Variants in PCDHGA4 observed in about 807,000 individuals in gnomAD.
The protein encoded by PCDHGA4 is protocadherin gamma subfamily A, 4, also known as protocadherin gamma-A4.
PCDHGA4 carries 38 observed loss-of-function variants against 54.6 expected under a neutral mutation model. The observed-to-expected ratio is 0.70, with a 90% CI of 0.54 to 0.91. PCDHGA4 has a LOEUF of 0.91. Ranked by LOEUF, PCDHGA4 falls within the 40% of genes least tolerant of loss-of-function variation. PCDHGA4 has a pLI of 0.00. For missense variants in PCDHGA4, 1,298 were observed against 1,220.9 expected (o/e 1.06, Z -0.94); for synonymous variants, 511 against 512.9 (o/e 1.00, Z 0.05).
intron 1 of PCDHGA4, chr5:141,403,365 T>A: frequency 6.2e-7 from 1 of 1,614,024 alleles, no homozygotes; most frequent in Non-Finnish European, 8.5e-7. Context: ...GCCGAAAGTC[T>A]GGAAGTAAAA....
intron 1 of PCDHGA4, among the ~76,000 whole-genome samples, chr5:141,472,561 T>C (rs1000220187): frequency 2.6e-5 from 4 of 151,632 alleles, no homozygotes; most frequent in African/African-American, 9.7e-5. Flanking sequence ...AATTATATTA[T>C]AAATGCTGCA....
At position 141,477,131 on chromosome 5, in the gene PCDHGA4, TTGG is replaced by T; in HGVS notation, c.2515-17672_2515-17670del. 1 of 1,614,130 alleles carries T rather than the reference TTGG, an allele frequency of 6.2e-7. No individual in the cohort carries two copies. The highest frequency in any genetic ancestry group is 8.5e-7 in the Non-Finnish European group (1 of 1,180,014). On this transcript the variant is annotated intron_variant, in intron 1 of 3. Transcript: ENST00000571252. The surrounding 1 kb of genome is among the most constrained non-coding windows in gnomAD (Gnocchi z 4.9). The stretch of plus-strand genomic sequence containing the variant: ...TCCCGAAGGAGCACATTGCAAAGTG[TTGG>T]TGGAGGTTGTGGATGTGAATGACAA...
intron 1 of PCDHGA4, chr5:141,430,946 G>C: frequency 6.2e-7 from 1 of 1,609,494 alleles, no homozygotes. Context: ...CGCGGAGCGC[G>C]GAGTCCGCAT....
intron 1 of PCDHGA4, among the ~76,000 whole-genome samples, chr5:141,488,713 C>A (rs1165389103): frequency 6.6e-6 from 1 of 152,184 alleles, no homozygotes; most frequent in Non-Finnish European, 1.5e-5. Context: ...CTGGTTCAAG[C>A]AAAGTGGTGG....
chr5:141,480,429 T>C (rs72790066), intron 1 of PCDHGA4, among the ~76,000 whole-genome samples: 4 of 151,864 alleles, frequency 2.6e-5, no homozygotes, highest in African/African-American at 9.7e-5. Flanking sequence ...AAAAAAATTA[T>C]CAGCTATTAC....
At position 141,356,031 on chromosome 5, in the gene PCDHGA4, G is replaced by T. The variant is rs759003895; in HGVS notation, c.924G>T (p.Val308=). The part of the protein sequence containing the change: ...TDPDEGANGD[V]TYSFRKVRDK... ...CAGATGAAGGAGCCAATGGAGACGT[G>T]ACGTATTCTTTCCGGAAAGTAAGAG... The change falls in exon 1 of 4, where the codon GTG becomes GTT. Residue 308 remains valine, a synonymous_variant. Coordinates refer to ENST00000571252, the MANE Select transcript of PCDHGA4 (RefSeq NM_018917.4). The T allele has an allele frequency of 6.2e-7, 1 of 1,613,836 alleles. No homozygotes were observed. Among genetic ancestry groups the T allele is most frequent in the Admixed American group, 1.7e-5 (1 of 60,012 alleles).
At chr5:141,500,184 TTTTATTTATTTA>T (rs58019021) in intron 2 of PCDHGA4, among the ~76,000 whole-genome samples, 197 of 135,960 alleles carry the variant, frequency 1.4e-3, no homozygotes, top group African/African-American at 3.6e-3. Context: ...TCATTTTTAT[TTTTATTTATTTA>T]TTTATTTATT....
chr5:141,484,959 C>A, intron 1 of PCDHGA4: 2 of 575,576 alleles, frequency 3.5e-6, no homozygotes, highest in Non-Finnish European at 6.2e-6. Flanking sequence ...ATTGGCTGAG[C>A]CCGGGAGCCG....
chr5:141,440,563 T>C (rs1048420758), intron 1 of PCDHGA4: 3 of 152,250 alleles, frequency 2.0e-5, no homozygotes, highest in Admixed American at 6.5e-5. Flanking sequence ...TTAAGTTACG[T>C]ATCTCTGAGT....
chr5:141,405,118 G>T (rs368800698), intron 1 of PCDHGA4: 1 of 1,613,946 alleles, frequency 6.2e-7, no homozygotes, highest in Non-Finnish European at 8.5e-7. Context: ...GGCACTCCTC[G>T]CATCTGCTGC....
rs149649459 is a variant in PCDHGA4, at chr5:141,505,183, G to A, written c.2574-210G>A. ...TCTAAAACAAAAAGAAAAAAGCATC[G>A]GAGGCAGCAAAGAGCTGGTTTGAGG... On this transcript the variant is annotated intron_variant, in intron 2 of 3. Transcript: ENST00000571252. Among the ~76,000 whole-genome samples, 214 of 152,244 alleles carry A rather than the reference G, an allele frequency of 1.4e-3. 1 individual carries two copies. Among genetic ancestry groups the A allele is most frequent in the African/African-American group, 4.8e-3 (200 of 41,530 alleles).
At chr5:141,388,513 TGA>T in intron 1 of PCDHGA4, 2 of 1,613,840 alleles carry the variant, frequency 1.2e-6, no homozygotes, top group African/African-American at 2.7e-5. Flanking sequence ...TCCTACCACT[TGA>T]CTTTGACTGC....
intron 1 of PCDHGA4, chr5:141,413,078 C>T: frequency 7.7e-7 from 1 of 1,301,152 alleles, no homozygotes; most frequent in Non-Finnish European, 1.1e-6. Flanking sequence ...AGTGCCCAGG[C>T]TACAGAGACA....
At chr5:141,374,087 G>C (rs1358918796) in intron 1 of PCDHGA4, 3 of 1,529,296 alleles carry the variant, frequency 2.0e-6, no homozygotes, top group Non-Finnish European at 2.6e-6. Context: ...GCCAGTAATG[G>C]CGCCTCCGCA....
At chr5:141,398,797 G>A (rs1338071296) in intron 1 of PCDHGA4, 2 of 1,613,898 alleles carry the variant, frequency 1.2e-6, no homozygotes, top group South Asian at 1.1e-5. Flanking sequence ...ACCCCTAAGC[G>A]GCACCACTGA....
chr5:141,412,108 G>A (rs897331971), intron 1 of PCDHGA4: 2 of 152,198 alleles, frequency 1.3e-5, no homozygotes, highest in Admixed American at 6.5e-5. Flanking sequence ...CACAGTTGAA[G>A]ATATGTGAAC....
At chr5:141,455,634 G>C (rs1429708887) in intron 1 of PCDHGA4, among the ~76,000 whole-genome samples, 1 of 152,110 alleles carries the variant, frequency 6.6e-6, no homozygotes. Context: ...GAGATATGTG[G>C]GGGGCAGCCA....
At chr5:141,434,763 C>T (rs2097714876) in intron 1 of PCDHGA4, among the ~76,000 whole-genome samples, 1 of 151,296 alleles carries the variant, frequency 6.6e-6, no homozygotes, top group South Asian at 2.1e-4. Flanking sequence ...TTCCCCACTT[C>T]ACACTTCTAA....
chr5:141,423,170 A>G, intron 1 of PCDHGA4: 8 of 1,613,504 alleles, frequency 5.0e-6, no homozygotes, highest in Non-Finnish European at 6.8e-6. Context: ...GTGGCCGTCC[A>G]GGACCACGGC....
Sources: allele counts gnomAD v4.1 joint callset (sites outside exome capture counted in the v4.1 genomes callset), GRCh38; gene constraint gnomAD v4.1.1; non-coding constraint Gnocchi (gnomAD v3.1); transcripts MANE v1.5; gene names NCBI Gene and HGNC (gene_info 2026-07-23, HGNC 2026-07-21).